The following DSCAML1 variants were observed in gnomAD, a reference collection of about 807,000 sequenced individuals.
DSCAML1 encodes cell adhesion molecule DSCAML1.
DSCAML1 carries 38 observed loss-of-function variants against 200.5 expected under a neutral mutation model. That is an observed-to-expected ratio of 0.19 (90% CI 0.15 to 0.25). The LOEUF (loss-of-function observed/expected upper bound fraction) is 0.25. Ranked by LOEUF, DSCAML1 falls within the 10% of genes least tolerant of loss-of-function variation. The pLI, the probability that DSCAML1 is intolerant of heterozygous loss-of-function variation, is 1.00. For synonymous variants in DSCAML1, 1,215 were observed against 1,165.0 expected, an observed-to-expected ratio of 1.04 and a Z score of -0.87; for missense variants, 2,223 against 2,858.8, an observed-to-expected ratio of 0.78 and a Z score of 5.07.
rs2048648501 is a variant in DSCAML1, at chr11:117,469,760, A to G, written c.3024+150T>C. ...CCTGCCTTTGCCTCCCTCTCCTTCCATCTCTCAAATCTCACTAGGTTTAGT... is the reference window on the plus strand; with the variant it reads ...CCTGCCTTTGCCTCCCTCTCCTTCCGTCTCTCAAATCTCACTAGGTTTAGT... On this transcript the variant is annotated intron_variant, in intron 16 of 32. Coordinates refer to ENST00000651296, the MANE Select transcript of DSCAML1 (RefSeq NM_020693.4). The surrounding 1 kb of genome is among the most constrained non-coding windows in gnomAD (Gnocchi z 4.1). The G allele has an allele frequency of 6.6e-6, 4 of 603,696 alleles. No individual in the cohort carries two copies. Among genetic ancestry groups the G allele is most frequent in the Non-Finnish European group, 1.0e-5 (4 of 387,410 alleles). 37.4% of individuals were successfully genotyped at this position (603,696 alleles called of 1,614,324 possible).
At chr11:117,530,223 T>C (rs961343822) in intron 4 of DSCAML1, among the ~76,000 whole-genome samples, 1 of 152,026 alleles carries the variant, frequency 6.6e-6, no homozygotes, top group African/African-American at 2.4e-5. Flanking sequence ...TGGCCTCCAG[T>C]TCAAAGAATG....
intron 3 of DSCAML1, among the ~76,000 whole-genome samples, chr11:117,581,882 T>A (rs1378800073): frequency 6.6e-6 from 1 of 152,154 alleles, no homozygotes; most frequent in African/African-American, 2.4e-5. Context: ...AGATTCTACC[T>A]TCATTTCCAG....
At chr11:117,440,075 G>A in intron 21 of DSCAML1, 139 bp from the exon 22 acceptor site, 1 of 680,654 alleles carries the variant, frequency 1.5e-6, no homozygotes, top group Admixed American at 2.5e-5. Context: ...TTGGTGAGGG[G>A]TAGGTGTCAG....
chr11:117,813,538 C>A (rs571796078), intron 1 of DSCAML1, among the ~76,000 whole-genome samples: 2 of 152,196 alleles, frequency 1.3e-5, no homozygotes, highest in Non-Finnish European at 1.5e-5. Flanking sequence ...TCTCCATAGG[C>A]ACTCTCTAAT....
At chr11:117,698,235 C>G (rs891465001) in intron 3 of DSCAML1, among the ~76,000 whole-genome samples, 1 of 152,126 alleles carries the variant, frequency 6.6e-6, no homozygotes, top group Admixed American at 6.5e-5. Context: ...GTGTTCAATT[C>G]TTTTGGGAAT....
chr11:117,529,844 G>A (rs916138604), intron 4 of DSCAML1, among the ~76,000 whole-genome samples: 1 of 151,962 alleles, frequency 6.6e-6, no homozygotes, highest in Admixed American at 6.6e-5. Context: ...AGCCTGAGAC[G>A]GGCTCTGGGC....
chr11:117,512,722 A>T lies in DSCAML1; in HGVS notation c.1783+3745T>A, dbSNP rs181343792. 5.0e-5 allele frequency among the ~76,000 whole-genome samples: 7 copies of T among 140,556 alleles called. No individual in the cohort carries two copies. In the East Asian group the frequency reaches 1.1e-3, roughly 22 times the overall value. 92.2% of individuals were successfully genotyped at this position (140,556 alleles called of 152,430 possible). A position where few individuals can be genotyped will look rare whatever the true frequency, so the allele number is the denominator to read the frequency against. On this transcript the variant is annotated intron_variant, in intron 8 of 32. Transcript: ENST00000651296. ...GCACAGCTTATGCTGGGTGCTGGGG[A>T]CTCACACGTGGCCAAGGCATGGGCT...
At position 117,559,907 on chromosome 11, in the gene DSCAML1, T is replaced by TG. The variant is rs559214784; in HGVS notation, c.512-27386dup. 9.3e-5 allele frequency among the ~76,000 whole-genome samples: 14 copies of TG among 149,886 alleles called. No individual in the cohort carries two copies. In the South Asian group the frequency reaches 1.5e-3, roughly 16 times the overall value. On this transcript the variant is annotated intron_variant, in intron 3 of 32. Transcript: ENST00000651296. ...GATACAGGAAGGAAGGGCCTAGAGT[T>TG]GGGGGGAGGGGCAAAGGGCTAGGTA... is the stretch of plus-strand genomic sequence containing the variant.
rs2137213228 is a variant in DSCAML1, at chr11:117,481,133, C to T, written c.2656+41G>A. 4 of 1,598,356 alleles carry T rather than the reference C, an allele frequency of 2.5e-6. No homozygotes were observed. In the East Asian group the frequency reaches 8.9e-5, roughly 36 times the overall value. ...GGAGTTAGCGGTGGGCCCCTGGGCC[C>T]TGGGGAGGTGGGATGGGAAGGGTGG... is the stretch of plus-strand genomic sequence containing the variant. On this transcript the variant is annotated intron_variant, in intron 13 of 32. Transcript: ENST00000651296.
At chr11:117,701,092 C>G (rs1225350602) in intron 3 of DSCAML1, among the ~76,000 whole-genome samples, 1 of 152,094 alleles carries the variant, frequency 6.6e-6, no homozygotes, top group Non-Finnish European at 1.5e-5. Context: ...ATGGTGAAAC[C>G]CTGTCTCCAC....
intron 3 of DSCAML1, among the ~76,000 whole-genome samples, chr11:117,546,579 A>C (rs2050376964): frequency 6.6e-6 from 1 of 152,080 alleles, no homozygotes; most frequent in African/African-American, 2.4e-5. Context: ...AGTTACCAGA[A>C]AGGACCCTAC....
intron 20 of DSCAML1, among the ~76,000 whole-genome samples, chr11:117,447,996 C>A (rs1397119624): frequency 6.6e-6 from 1 of 152,230 alleles, no homozygotes; most frequent in Admixed American, 6.5e-5. Flanking sequence ...CCCCAGTCCC[C>A]CTACAGGGCT....
chr11:117,672,102 G>GGAAAAAAAAAGACAAT (rs1555196987), intron 3 of DSCAML1, among the ~76,000 whole-genome samples: 1 of 94,508 alleles, frequency 1.1e-5, no homozygotes, highest in Non-Finnish European at 2.0e-5. Context: ...CTCCAGCTCA[G>GGAAAAAAAAAGACAAT]AAAAAAAAAA....
Position 117,439,100 on chromosome 11 carries a change from TC to T in DSCAML1, c.4145-118del, listed in dbSNP as rs147751505. ...CCCACACCCTCACTCCCACTCCCACTCCCCAGCTCTCCTGCCTCCCCTTCCA... is the reference window on the plus strand; with the variant it reads ...CCCACACCCTCACTCCCACTCCCACTCCCAGCTCTCCTGCCTCCCCTTCCA... On this transcript the variant is annotated intron_variant, in intron 23 of 32. Transcript: ENST00000651296. 1.5e-3 allele frequency: 1,942 copies of T among 1,315,476 alleles called. 16 individuals are homozygous for T. The African/African-American group carries it at 0.027, about 18-fold the overall frequency. The allele number at this position is 1,315,476 out of a possible 1,614,324, so 81.5% of individuals were successfully genotyped here.
At chr11:117,488,605 A>G (rs1303973815) in intron 11 of DSCAML1, among the ~76,000 whole-genome samples, 2 of 152,040 alleles carry the variant, frequency 1.3e-5, no homozygotes, top group Non-Finnish European at 2.9e-5. Context: ...GACAGTCACA[A>G]ACACAGTCAC....
chr11:117,681,150 A>G (rs1200575453), intron 3 of DSCAML1, among the ~76,000 whole-genome samples: 1 of 151,902 alleles, frequency 6.6e-6, no homozygotes, highest in African/African-American at 2.4e-5. Flanking sequence ...TCTCCCACCC[A>G]CGCCCTCCAA....
intron 4 of DSCAML1, among the ~76,000 whole-genome samples, chr11:117,528,725 T>C (rs2050022173): frequency 6.6e-6 from 1 of 152,202 alleles, no homozygotes; most frequent in Admixed American, 6.5e-5. Flanking sequence ...TCTCCTCCTT[T>C]ATAACTGCAG....
chr11:117,543,061 G>T (rs2050301702), intron 3 of DSCAML1, among the ~76,000 whole-genome samples: 1 of 152,232 alleles, frequency 6.6e-6, no homozygotes, highest in East Asian at 1.9e-4. Context: ...CACAGTAGGT[G>T]GGTGGGCAAA....
In DSCAML1 at chr11:117,489,228, G is replaced by C. The variant is rs2049140336; in HGVS notation, c.2360-7066C>G. Among the ~76,000 whole-genome samples the C allele has an allele frequency of 6.6e-6, 1 of 152,126 alleles. No individual in the cohort carries two copies. The highest frequency in any genetic ancestry group is 1.5e-5 in the Non-Finnish European group (1 of 68,036). ...CTCTGCGGCGGGGCAGCTGCAGCAG[G>C]TACTCCTGGGGCAGGCAGTGGGGAC... is the stretch of plus-strand genomic sequence containing the variant. On this transcript the variant is annotated intron_variant, in intron 11 of 32. Coordinates refer to ENST00000651296, the MANE Select transcript of DSCAML1 (RefSeq NM_020693.4). The surrounding 1 kb of genome is among the most constrained non-coding windows in gnomAD (Gnocchi z 4.8).
Sources: allele counts gnomAD v4.1 joint callset (sites outside exome capture counted in the v4.1 genomes callset), GRCh38; gene constraint gnomAD v4.1.1; non-coding constraint Gnocchi (gnomAD v3.1); transcripts MANE v1.5; gene names NCBI Gene and HGNC (gene_info 2026-07-23, HGNC 2026-07-21).